ZPBP: variants seen among roughly 807,000 people sequenced by gnomAD.
ZPBP encodes zona pellucida binding protein.
Under a neutral mutation model 44.8 loss-of-function variants are expected in ZPBP, and 26 were observed. That is an observed-to-expected ratio of 0.58 (90% CI 0.43 to 0.81). The LOEUF is 0.81. Among genes scored for constraint, ZPBP ranks in the 30% least tolerant of loss-of-function variants. The probability of loss-of-function intolerance (pLI) is 0.00; values close to 1 mark genes in which losing one functional copy is unlikely to be tolerated. For missense variants in ZPBP, 409 were observed against 434.0 expected (o/e 0.94, Z 0.51); for synonymous variants, 174 against 153.2 (o/e 1.14, Z -1.00).
At chr7:50,007,923 T>C (rs1347357371) in intron 6 of ZPBP, among the ~76,000 whole-genome samples, 1 of 152,028 alleles carries the variant, frequency 6.6e-6, no homozygotes, top group Non-Finnish European at 1.5e-5. Flanking sequence ...ATACTCAATA[T>C]TGAAAGACTG....
chr7:50,082,331 T>C (rs1024337800), intron 2 of ZPBP, among the ~76,000 whole-genome samples: 1 of 151,914 alleles, frequency 6.6e-6, no homozygotes, highest in African/African-American at 2.4e-5. Flanking sequence ...CACAATGATG[T>C]AGCATGATGT....
intron 5 of ZPBP, among the ~76,000 whole-genome samples, chr7:50,024,815 G>C (rs1378674078): frequency 6.6e-6 from 1 of 151,890 alleles, no homozygotes; most frequent in Admixed American, 6.6e-5. Flanking sequence ...CTTGCAAGAA[G>C]AGTCATTTTA....
chr7:49,881,132 TG>T (rs1791645548), intron 2 of ZPBP, among the ~76,000 whole-genome samples: 3 of 152,162 alleles, frequency 2.0e-5, no homozygotes, highest in South Asian at 4.1e-4. Context: ...GGTTTGCGTT[TG>T]ACTTGTATTC....
At chr7:49,862,590 G>C (rs1790698969) in intron 2 of ZPBP, among the ~76,000 whole-genome samples, 1 of 151,828 alleles carries the variant, frequency 6.6e-6, no homozygotes, top group South Asian at 2.1e-4. Flanking sequence ...TAAAATGTTA[G>C]CTGTAGGTTT....
intron 7 of ZPBP, among the ~76,000 whole-genome samples, chr7:49,957,507 G>C (rs905553433): frequency 6.6e-6 from 1 of 152,152 alleles, no homozygotes; most frequent in African/African-American, 2.4e-5. Context: ...AGTCACCCAG[G>C]TGTTGCTGAA....
intron 2 of ZPBP, among the ~76,000 whole-genome samples, chr7:49,872,934 A>AAAAG (rs1163136710): frequency 9.4e-5 from 14 of 148,586 alleles, no homozygotes; most frequent in African/African-American, 3.2e-4. Flanking sequence ...AAAAAAAAAA[A>AAAAG]AAAGAAAGAA....
intron 3 of ZPBP, among the ~76,000 whole-genome samples, chr7:50,078,027 G>A (rs1286140889): frequency 1.3e-5 from 2 of 151,788 alleles, no homozygotes; most frequent in South Asian, 2.1e-4. Flanking sequence ...AAGAAAATGT[G>A]GTACATATAC....
intron 1 of ZPBP, chr7:49,917,354 A>T (rs1013449501): frequency 6.6e-6 from 1 of 152,194 alleles, no homozygotes; most frequent in African/African-American, 2.4e-5. Flanking sequence ...ATATTAAGTG[A>T]CACTGACAAT....
chr7:50,021,060 T>C (rs1345021465), intron 5 of ZPBP, among the ~76,000 whole-genome samples: 1 of 152,030 alleles, frequency 6.6e-6, no homozygotes, highest in African/African-American at 2.4e-5. Context: ...AAGGATCTGA[T>C]TTCAAAAGTA....
chr7:50,001,300 T>C (rs1449243112), intron 6 of ZPBP, among the ~76,000 whole-genome samples: 1 of 152,178 alleles, frequency 6.6e-6, no homozygotes, highest in Non-Finnish European at 1.5e-5. Flanking sequence ...CCTTATGAGT[T>C]GTACGGTATT....
intron 7 of ZPBP, among the ~76,000 whole-genome samples, chr7:49,981,678 TATATAATAATATATATAATTATATATA>T (rs1231674313): frequency 2.3e-5 from 1 of 44,100 alleles, no homozygotes; most frequent in Non-Finnish European, 3.3e-5. Flanking sequence ...TTATATATTA[TATATAATAATATATATAATTATATATA>T]ATATATTATA....
At chr7:49,857,009 CAAAAAAAAAAAAA>C (rs59910243) in intron 2 of ZPBP, among the ~76,000 whole-genome samples, 2 of 52,766 alleles carry the variant, frequency 3.8e-5, no homozygotes, top group African/African-American at 7.9e-5. Context: ...GATACTGTCT[CAAAAAAAAAAAAA>C]AAAAAAAAAA....
intron 2 of ZPBP, among the ~76,000 whole-genome samples, chr7:49,884,690 G>T (rs1791820158): frequency 6.6e-6 from 1 of 152,136 alleles, no homozygotes. Context: ...GCCTGACTGT[G>T]TCAACACCTG....
intron 7 of ZPBP, among the ~76,000 whole-genome samples, chr7:49,940,501 G>A (rs1583878539): frequency 6.6e-6 from 1 of 151,950 alleles, no homozygotes; most frequent in East Asian, 1.9e-4. Context: ...GTAATACATT[G>A]AGAGTGAGAT....
At chr7:50,009,168 T>TGGAG (rs1373554215) in intron 6 of ZPBP, among the ~76,000 whole-genome samples, 1 of 142,756 alleles carries the variant, frequency 7.0e-6, no homozygotes, top group Non-Finnish European at 1.5e-5. Context: ...ACCTGCTAGG[T>TGGAG]GGAGGTTGCA....
At chr7:50,070,294 T>A (rs949231752) in intron 3 of ZPBP, among the ~76,000 whole-genome samples, 1 of 152,192 alleles carries the variant, frequency 6.6e-6, no homozygotes, top group African/African-American at 2.4e-5. Context: ...TAGTGGTTGG[T>A]ACCCTGGAGG....
At chr7:50,066,122 C>T (rs1801489038) in intron 3 of ZPBP, among the ~76,000 whole-genome samples, 1 of 150,976 alleles carries the variant, frequency 6.6e-6, no homozygotes, top group Admixed American at 6.6e-5. Flanking sequence ...TTAAGCCTCT[C>T]TTGTGTTAAA....
intron 2 of ZPBP, among the ~76,000 whole-genome samples, chr7:49,856,466 C>A (rs908109026): frequency 3.3e-5 from 5 of 152,188 alleles, no homozygotes; most frequent in Non-Finnish European, 7.3e-5. Context: ...GGCTGCAGAT[C>A]ATGAGCCAAA....
chr7:49,952,412 C>A (rs774348788), intron 7 of ZPBP, among the ~76,000 whole-genome samples: 2 of 151,934 alleles, frequency 1.3e-5, no homozygotes, highest in African/African-American at 2.4e-5. Context: ...GACAAACATT[C>A]CACACAATAT....
Sources: allele counts gnomAD v4.1 joint callset (sites outside exome capture counted in the v4.1 genomes callset), GRCh38; gene constraint gnomAD v4.1.1; transcripts MANE v1.5; gene names NCBI Gene and HGNC (gene_info 2026-07-23, HGNC 2026-07-21).